The following DLGAP4 variants were observed in gnomAD, a reference collection of about 807,000 sequenced individuals.
DLGAP4 encodes DLG associated protein 4.
DLGAP4 carries 18 observed loss-of-function variants against 86.9 expected under a neutral mutation model. The ratio of observed to expected loss-of-function variants is 0.21; its 90% confidence interval spans 0.14 to 0.31. DLGAP4 has a LOEUF of 0.31. Ranked by LOEUF, DLGAP4 falls within the 10% of genes least tolerant of loss-of-function variation. The pLI is 1.00. For synonymous variants in DLGAP4, 548 were observed against 574.3 expected (o/e 0.95, Z 0.65); for missense variants, 1,085 against 1,362.6 (o/e 0.80, Z 3.21).
rs2037877755 is a variant in DLGAP4 at position 36,528,093 on chromosome 20, G to A, written c.*1062G>A. ...TTACATGTACTATATCTAGGTGTGT[G>A]TACAAGTGTGTGTAAAAATATATAC... On this transcript the variant is annotated 3_prime_UTR_variant, in exon 13 of 13. Coordinates refer to ENST00000339266, the MANE Select transcript of DLGAP4 (RefSeq NM_001365621.2). 2 of 152,094 alleles carry A rather than the reference G, an allele frequency of 1.3e-5. No homozygotes were observed. Among genetic ancestry groups the A allele is most frequent in the South Asian group, 4.2e-4 (2 of 4,806 alleles). 9.4% of individuals were successfully genotyped at this position (152,094 alleles called of 1,614,324 possible).
chr20:36,480,733 G>A (rs962889931), intron 7 of DLGAP4, among the ~76,000 whole-genome samples: 5 of 151,494 alleles, frequency 3.3e-5, no homozygotes, highest in Non-Finnish European at 4.4e-5. Context: ...GGCTGGGCAC[G>A]GTAACTCAAC....
At chr20:36,328,777 A>ATT (rs540189750) in intron 1 of DLGAP4, among the ~76,000 whole-genome samples, 2 of 138,206 alleles carry the variant, frequency 1.4e-5, no homozygotes, top group African/African-American at 2.7e-5. Flanking sequence ...CACCCAGCTA[A>ATT]TTTTTTTTTT....
At chr20:36,360,513 C>T (rs550614565) in intron 1 of DLGAP4, among the ~76,000 whole-genome samples, 4 of 152,264 alleles carry the variant, frequency 2.6e-5, no homozygotes, top group African/African-American at 7.2e-5. Flanking sequence ...GTGAGCATCC[C>T]GAGGCTGGGA....
intron 1 of DLGAP4, among the ~76,000 whole-genome samples, chr20:36,356,927 A>AT (rs1490819598): frequency 6.6e-6 from 1 of 152,096 alleles, no homozygotes; most frequent in Non-Finnish European, 1.5e-5. Flanking sequence ...AATTGGATTG[A>AT]TTTTTTAGTC....
At chr20:36,372,318 G>T (rs1462080437) in intron 2 of DLGAP4, among the ~76,000 whole-genome samples, 1 of 152,124 alleles carries the variant, frequency 6.6e-6, no homozygotes, top group Non-Finnish European at 1.5e-5. Flanking sequence ...CTGGGAGTCA[G>T]ACCCAGGTAG....
chr20:36,479,115 A>C (rs543655652), intron 7 of DLGAP4, among the ~76,000 whole-genome samples: 2 of 152,090 alleles, frequency 1.3e-5, no homozygotes, highest in Non-Finnish European at 2.9e-5. Flanking sequence ...ATCTTCCCAG[A>C]TGTTACCATG....
chr20:36,352,480 A>C (rs1236254355), intron 1 of DLGAP4, among the ~76,000 whole-genome samples: 1 of 151,658 alleles, frequency 6.6e-6, no homozygotes, highest in African/African-American at 2.4e-5. Context: ...GGCCGGCTGG[A>C]TTCTAGAGAT....
At chr20:36,311,469 C>T (rs993650047) in intron 1 of DLGAP4, among the ~76,000 whole-genome samples, 6 of 152,194 alleles carry the variant, frequency 3.9e-5, no homozygotes, top group African/African-American at 1.4e-4. Context: ...AATTTTGCTA[C>T]ACCCCTCACC....
chr20:36,467,059 T>TG (rs2034435463), intron 7 of DLGAP4, among the ~76,000 whole-genome samples: 2 of 59,908 alleles, frequency 3.3e-5, no homozygotes, highest in Non-Finnish European at 8.0e-5. Context: ...TCTCTCTCTC[T>TG]CTCTCCCCCC....
At chr20:36,329,772 C>T (rs1555891339) in intron 1 of DLGAP4, among the ~76,000 whole-genome samples, 1 of 152,136 alleles carries the variant, frequency 6.6e-6, no homozygotes, top group Non-Finnish European at 1.5e-5. Context: ...ATGGCTCACG[C>T]CTGTAATCCC....
intron 7 of DLGAP4, among the ~76,000 whole-genome samples, chr20:36,467,065 C>CTCTCT (rs1569509715): frequency 1.9e-5 from 2 of 105,184 alleles, no homozygotes; most frequent in African/African-American, 1.4e-4. Flanking sequence ...TCTCTCTCTC[C>CTCTCT]CCCCCCCTTC....
chr20:36,359,447 C>T (rs2030441466), intron 1 of DLGAP4, among the ~76,000 whole-genome samples: 1 of 152,234 alleles, frequency 6.6e-6, no homozygotes, highest in South Asian at 2.1e-4. Context: ...CCTTGAAAAT[C>T]CGTGCCCATG....
intron 11 of DLGAP4, 114 bp from the exon 12 acceptor site, chr20:36,525,737 A>C: frequency 7.0e-7 from 1 of 1,436,906 alleles, no homozygotes; most frequent in South Asian, 1.2e-5. Flanking sequence ...ACTAGGCCTC[A>C]AGAGCCCCCG....
At chr20:36,327,802 G>A (rs1334304052) in intron 1 of DLGAP4, among the ~76,000 whole-genome samples, 11 of 147,082 alleles carry the variant, frequency 7.5e-5, no homozygotes, top group Non-Finnish European at 1.7e-4. Flanking sequence ...CGTTTTAGCC[G>A]GGATGGTCTC....
chr20:36,409,815 C>T (rs1418019012), intron 2 of DLGAP4, among the ~76,000 whole-genome samples: 5 of 151,824 alleles, frequency 3.3e-5, no homozygotes, highest in South Asian at 2.1e-4. Context: ...GGGCGGATCA[C>T]GAGGTCAGGA....
At chr20:36,462,687 G>C (rs1199421782) in intron 7 of DLGAP4, 1 of 1,503,954 alleles carries the variant, frequency 6.6e-7, no homozygotes, top group Non-Finnish European at 8.8e-7. Flanking sequence ...TGGGGCAAGG[G>C]CTGGCGCTAG....
intron 1 of DLGAP4, among the ~76,000 whole-genome samples, chr20:36,353,479 C>T (rs1370187706): frequency 1.3e-5 from 2 of 152,216 alleles, no homozygotes; most frequent in African/African-American, 4.8e-5. Flanking sequence ...GCCCTGGGGC[C>T]TTTTTTCTGC....
intron 7 of DLGAP4, among the ~76,000 whole-genome samples, chr20:36,447,241 C>G (rs1319507577): frequency 6.6e-6 from 1 of 152,136 alleles, no homozygotes; most frequent in South Asian, 2.1e-4. Context: ...CTGCTATAGT[C>G]AGGGCTTACT....
intron 10 of DLGAP4, among the ~76,000 whole-genome samples, chr20:36,521,139 G>T (rs973460928): frequency 6.6e-6 from 1 of 152,092 alleles, no homozygotes; most frequent in Admixed American, 6.6e-5. Flanking sequence ...ATTTTTAGTA[G>T]AGACGGAGTT....
Sources: gnomAD v4.1 joint callset for allele counts (sites outside exome capture counted in the v4.1 genomes callset) on GRCh38, gnomAD v4.1.1 for gene constraint, MANE v1.5 for transcripts, NCBI Gene and HGNC (gene_info 2026-07-23, HGNC 2026-07-21) for gene names.